OPRM1: variants seen among roughly 807,000 people sequenced by gnomAD.
OPRM1 encodes the protein mu-type opioid receptor.
Under a neutral mutation model 31.8 loss-of-function variants are expected in OPRM1, and 27 were observed. The ratio of observed to expected loss-of-function variants is 0.85; its 90% CI spans 0.63 to 1.17. OPRM1 has a LOEUF of 1.17. Ranked by LOEUF, OPRM1 falls within the 50% of genes most tolerant of loss-of-function variation. OPRM1 has a pLI of 0.00. For synonymous variants in OPRM1, 196 were observed against 189.9 expected, an observed-to-expected ratio of 1.03 and a Z score of -0.26; for missense variants, 536 against 511.1, an observed-to-expected ratio of 1.05 and a Z score of -0.47.
intron 1 of OPRM1, among the ~76,000 whole-genome samples, chr6:154,067,908 A>T (rs935949405): frequency 6.6e-6 from 1 of 151,934 alleles, no homozygotes; most frequent in Non-Finnish European, 1.5e-5. Context: ...AACTTTTTTT[A>T]TTTACAAAAA....
At chr6:154,212,577 G>A (rs1471187984) in intron 3 of OPRM1, among the ~76,000 whole-genome samples, 1 of 152,202 alleles carries the variant, frequency 6.6e-6, no homozygotes, top group African/African-American at 2.4e-5. Flanking sequence ...AATATACCAA[G>A]TTTATCATAC....
intron 1 of OPRM1, among the ~76,000 whole-genome samples, chr6:154,047,602 A>C (rs1014760463): frequency 2.0e-5 from 3 of 152,170 alleles, no homozygotes; most frequent in Admixed American, 6.5e-5. Context: ...ACTTTCGTAA[A>C]CCAATGGATA....
chr6:154,233,959 G>A (rs1003562989), intron 3 of OPRM1, among the ~76,000 whole-genome samples: 2 of 152,090 alleles, frequency 1.3e-5, no homozygotes, highest in Admixed American at 6.6e-5. Context: ...CTGTAATCTC[G>A]GCACTTTGAG....
intron 1 of OPRM1, among the ~76,000 whole-genome samples, chr6:154,028,325 A>T (rs1778817715): frequency 6.6e-6 from 1 of 152,098 alleles, no homozygotes; most frequent in Admixed American, 6.5e-5. Context: ...CTGGGGCCAT[A>T]TCCTGCTGTG....
At chr6:154,027,141 T>C (rs1763306458) in intron 1 of OPRM1, among the ~76,000 whole-genome samples, 1 of 152,242 alleles carries the variant, frequency 6.6e-6, no homozygotes, top group Admixed American at 6.5e-5. Flanking sequence ...TTGGGTGTTC[T>C]AATCTAAGAT....
chr6:154,091,054 T>A lies in OPRM1; in HGVS notation c.746T>A (p.Ile249Asn), dbSNP rs763130536. The stretch of plus-strand genomic sequence containing the variant: ...TTCGCCTTCATTATGCCAGTGCTCA[T>A]CATTACCGTGTGCTATGGACTGATG... ...FIFAFIMPVL[I>N]ITVCYGLMIL... The change falls in exon 3 of 4, where the codon ATC (isoleucine) becomes AAC (asparagine). Residue 249 changes from isoleucine to asparagine, a missense_variant. Transcript: ENST00000330432. 24 of 1,614,222 alleles carry A rather than the reference T, an allele frequency of 1.5e-5. No homozygotes were observed. The South Asian group carries it at 2.1e-4, about 14-fold the overall frequency.
chr6:154,063,093 T>C (rs889563209), intron 1 of OPRM1, among the ~76,000 whole-genome samples: 3 of 152,078 alleles, frequency 2.0e-5, no homozygotes, highest in African/African-American at 7.2e-5. Context: ...ACTATCCAGA[T>C]ATTTTGCTTG....
At chr6:154,088,016 T>C (rs1047469250) in intron 1 of OPRM1, among the ~76,000 whole-genome samples, 1 of 152,078 alleles carries the variant, frequency 6.6e-6, no homozygotes, top group African/African-American at 2.4e-5. Context: ...TGCACATGAA[T>C]GTTCGTAACA....
intron 3 of OPRM1, among the ~76,000 whole-genome samples, chr6:154,146,138 G>T (rs549260421): frequency 6.6e-6 from 1 of 152,222 alleles, no homozygotes; most frequent in Admixed American, 6.5e-5. Flanking sequence ...AGTGGCTCAC[G>T]CCTGTAATCC....
intron 3 of OPRM1, among the ~76,000 whole-genome samples, chr6:154,194,732 C>G (rs372910944): frequency 1.3e-5 from 2 of 152,168 alleles, no homozygotes; most frequent in African/African-American, 4.8e-5. Context: ...GAATGGCCTA[C>G]TTAAATCACA....
At chr6:154,243,938 G>T (rs1780807702) in intron 3 of OPRM1, among the ~76,000 whole-genome samples, 1 of 152,148 alleles carries the variant, frequency 6.6e-6, no homozygotes, top group Non-Finnish European at 1.5e-5. Context: ...CACCTACCTT[G>T]GCCTAGAGTA....
rs532925287 is a variant in OPRM1 at position 154,029,763 on chromosome 6, G to T, written c.1-9398G>T. Among the ~76,000 whole-genome samples, 3 of 152,296 alleles carry T rather than the reference G, an allele frequency of 2.0e-5. No homozygotes were observed. In the South Asian group the frequency reaches 6.2e-4, roughly 32 times the overall value. On this transcript the variant is annotated intron_variant, in intron 1 of 5. Transcript: ENST00000434900. The stretch of plus-strand genomic sequence containing the variant: ...GAATCCTAGGGGCAGTTACCTCCAT[G>T]CTGTTCTCATGGTAGTGAATGAGTT...
At chr6:154,212,807 G>C (rs755067526) in intron 3 of OPRM1, 2 of 1,613,720 alleles carry the variant, frequency 1.2e-6, no homozygotes, top group Middle Eastern at 1.7e-4. Flanking sequence ...AGGGGGTGGT[G>C]TCTCCGCAGC....
downstream of OPRM1, among the ~76,000 whole-genome samples, chr6:154,135,484 G>T (rs865803439): frequency 2.1e-5 from 3 of 144,366 alleles, no homozygotes; most frequent in Admixed American, 1.4e-4. Flanking sequence ...AAAATATATA[G>T]ATAGATATAG....
chr6:154,077,505 C>T (rs968177618), intron 1 of OPRM1, among the ~76,000 whole-genome samples: 3 of 151,060 alleles, frequency 2.0e-5, no homozygotes, highest in African/African-American at 4.9e-5. Context: ...CTGAGGTGGG[C>T]GGATTGGTTG....
At chr6:154,019,747 C>CTTTTTTTTTTTT (rs373120574) in intron 1 of OPRM1, among the ~76,000 whole-genome samples, 2 of 122,012 alleles carry the variant, frequency 1.6e-5, no homozygotes, top group African/African-American at 6.8e-5. Flanking sequence ...CTTTTCTTTT[C>CTTTTTTTTTTTT]TTTTTTTTTT....
chr6:154,094,640 G>A (rs561597532), intron 3 of OPRM1, among the ~76,000 whole-genome samples: 2 of 152,256 alleles, frequency 1.3e-5, no homozygotes, highest in South Asian at 4.2e-4. Flanking sequence ...TGTTACCCCA[G>A]CCTTGTTCTC....
At chr6:154,172,275 C>A (rs1799935668) in intron 3 of OPRM1, among the ~76,000 whole-genome samples, 1 of 152,194 alleles carries the variant, frequency 6.6e-6, no homozygotes. Context: ...TGGTTCATCT[C>A]ATTGGGACTG....
intron 3 of OPRM1, 81 bp from the exon 4 acceptor site, chr6:154,118,602 T>TA (rs762496354): frequency 7.7e-5 from 106 of 1,381,910 alleles, no homozygotes; most frequent in Middle Eastern, 1.8e-4. Flanking sequence ...ATGCAGTTCT[T>TA]ACGAGCAGAA....
Sources: allele counts gnomAD v4.1 joint callset (sites outside exome capture counted in the v4.1 genomes callset), GRCh38; gene constraint gnomAD v4.1.1; transcripts MANE v1.5; gene names NCBI Gene and HGNC (gene_info 2026-07-23, HGNC 2026-07-21).